PDE1C: variants seen among roughly 807,000 people sequenced by gnomAD.
PDE1C encodes phosphodiesterase 1C.
Under a neutral mutation model 93.1 loss-of-function variants are expected in PDE1C, and 62 were observed. That is an observed-to-expected ratio of 0.67 (90% CI 0.54 to 0.82). PDE1C has a LOEUF of 0.82. Ranked by LOEUF, PDE1C falls within the 40% of genes least tolerant of loss-of-function variation. The pLI is 0.00. For synonymous variants in PDE1C, 325 were observed against 310.1 expected (o/e 1.05, Z -0.50); for missense variants, 742 against 884.6 (o/e 0.84, Z 2.04).
intron 17 of PDE1C, among the ~76,000 whole-genome samples, chr7:31,770,140 T>C (rs1313833908): frequency 1.3e-5 from 2 of 152,226 alleles, no homozygotes; most frequent in African/African-American, 4.8e-5. Context: ...GTGGTTTTGA[T>C]TTGTATTTCC....
At chr7:31,824,438 G>A (rs1332917306) in intron 13 of PDE1C, among the ~76,000 whole-genome samples, 2 of 152,126 alleles carry the variant, frequency 1.3e-5, no homozygotes, top group African/African-American at 4.8e-5. Context: ...TGATGTGGTG[G>A]TAGAAGGTGA....
chr7:31,872,865 T>A (rs1275172826), intron 6 of PDE1C, among the ~76,000 whole-genome samples: 1 of 152,156 alleles, frequency 6.6e-6, no homozygotes, highest in Non-Finnish European at 1.5e-5. Context: ...GTGATAGTAT[T>A]TGTCTGAATG....
chr7:32,085,136 A>C (rs1796985871), intron 3 of PDE1C, among the ~76,000 whole-genome samples: 1 of 151,472 alleles, frequency 6.6e-6, no homozygotes, highest in African/African-American at 2.4e-5. Context: ...AGAGAGAAGA[A>C]TCAAATAGAC....
chr7:32,177,126 G>A (rs1011265865), intron 2 of PDE1C, among the ~76,000 whole-genome samples: 4 of 152,184 alleles, frequency 2.6e-5, no homozygotes, highest in African/African-American at 9.7e-5. Context: ...GAACACTGCC[G>A]TGTGCGGAGA....
intron 2 of PDE1C, among the ~76,000 whole-genome samples, chr7:31,988,442 C>T (rs558471840): frequency 4.5e-4 from 68 of 152,374 alleles, no homozygotes; most frequent in African/African-American, 1.4e-3. Context: ...CCTGCCTCCT[C>T]TATTCCACCT....
the PDE1C span, among the ~76,000 whole-genome samples, chr7:31,617,618 A>C: frequency 6.8e-6 from 1 of 146,758 alleles, no homozygotes; most frequent in Non-Finnish European, 1.5e-5. Context: ...GACAACTTTT[A>C]CCTTCTAAAT....
chr7:32,308,173 A>G lies in PDE1C; in HGVS notation c.311-98634T>C, dbSNP rs551587509. Among the ~76,000 whole-genome samples the G allele has an allele frequency of 3.0e-3, 464 of 152,316 alleles. 2 individuals are homozygous for G. Among genetic ancestry groups the G allele is most frequent in the African/African-American group, 0.01 (432 of 41,570 alleles). On this transcript the variant is annotated intron_variant, in intron 1 of 1. Coordinates refer to the PDE1C transcript ENST00000672256. ...TGAGATCAAACTGCAAGGTGGCAGC[A>G]AGGCTGGGGGAGGGGCGCCTGCCAT...
At chr7:32,197,606 G>A (rs1164178409) in intron 2 of PDE1C, among the ~76,000 whole-genome samples, 1 of 152,178 alleles carries the variant, frequency 6.6e-6, no homozygotes, top group Non-Finnish European at 1.5e-5. Flanking sequence ...AGGGAATATT[G>A]TCCTGCAATA....
In PDE1C at chr7:31,845,571, T is replaced by G. The variant is rs529889322; in HGVS notation, c.980+2397A>C. ...AAGGCATAGCATTAGGAGAAATACC[T>G]AATGTAGACGATGGGTTGATGGGTG... On this transcript the variant is annotated intron_variant, in intron 9 of 17. Coordinates refer to ENST00000396191, the MANE Select transcript of PDE1C (RefSeq NM_001191057.4). Among the ~76,000 whole-genome samples, 5 of 152,066 alleles carry G rather than the reference T, an allele frequency of 3.3e-5. 1 individual carries two copies. The highest frequency in any genetic ancestry group is 7.2e-5 in the African/African-American group (3 of 41,410).
intron 1 of PDE1C, among the ~76,000 whole-genome samples, chr7:32,348,191 A>T (rs775613364): frequency 1.3e-5 from 2 of 152,038 alleles, no homozygotes; most frequent in Non-Finnish European, 2.9e-5. Context: ...GTTTTGTCCC[A>T]TAAACATTTG....
At chr7:31,679,712 G>A in the PDE1C span, among the ~76,000 whole-genome samples, 2 of 152,106 alleles carry the variant, frequency 1.3e-5, no homozygotes, top group African/African-American at 4.8e-5. Context: ...CCCCATAAAC[G>A]GTGCGTTGTG....
intron 16 of PDE1C, among the ~76,000 whole-genome samples, chr7:31,782,284 A>C (rs2128639982): frequency 6.6e-6 from 1 of 152,012 alleles, no homozygotes. Context: ...AATTAACTAT[A>C]CTATATGGCC....
At chr7:31,847,217 AG>A (rs1792751109) in intron 9 of PDE1C, among the ~76,000 whole-genome samples, 1 of 151,220 alleles carries the variant, frequency 6.6e-6, no homozygotes, top group South Asian at 2.1e-4. Flanking sequence ...TCCCAACTGC[AG>A]AATAAATGTT....
chr7:31,652,578 T>C, the PDE1C span: 1 of 1,611,746 alleles, frequency 6.2e-7, no homozygotes, highest in Admixed American at 1.7e-5. Context: ...TCAATATAAC[T>C]GGATAGAAGA....
chr7:31,657,417 C>T, the PDE1C span, among the ~76,000 whole-genome samples: 1 of 152,190 alleles, frequency 6.6e-6, no homozygotes. Context: ...ACAAAGATCT[C>T]ATTGCTATAG....
At chr7:31,719,433 A>C in the PDE1C span, among the ~76,000 whole-genome samples, 1 of 152,232 alleles carries the variant, frequency 6.6e-6, no homozygotes, top group African/African-American at 2.4e-5. Context: ...CAGGAAATTC[A>C]AAAAAGGATT....
chr7:31,797,534 AG>A (rs1785459907), intron 16 of PDE1C, among the ~76,000 whole-genome samples: 1 of 151,806 alleles, frequency 6.6e-6, no homozygotes, highest in Non-Finnish European at 1.5e-5. Flanking sequence ...GAAGTTATAA[AG>A]GGTTAATTTT....
chr7:32,359,061 C>T (rs1257217295), intron 1 of PDE1C, among the ~76,000 whole-genome samples: 2 of 152,154 alleles, frequency 1.3e-5, no homozygotes, highest in African/African-American at 4.8e-5. Context: ...TGATATCTGA[C>T]GCCCTTGATA....
chr7:32,001,381 T>C (rs1381089762), intron 2 of PDE1C, among the ~76,000 whole-genome samples: 6 of 152,232 alleles, frequency 3.9e-5, no homozygotes, highest in Non-Finnish European at 8.8e-5. Flanking sequence ...TTCTGATACA[T>C]AGCAAGCTAC....
Sources: gnomAD v4.1 joint callset for allele counts (sites outside exome capture counted in the v4.1 genomes callset) on GRCh38, gnomAD v4.1.1 for gene constraint, MANE v1.5 for transcripts, NCBI Gene and HGNC (gene_info 2026-07-23, HGNC 2026-07-21) for gene names.